Variants in TBL1XR1 observed in about 807,000 individuals in gnomAD.
TBL1XR1 encodes F-box-like/WD repeat-containing protein TBL1XR1.
Under a neutral mutation model 66.9 loss-of-function variants are expected in TBL1XR1, and 5 were observed. That is an observed-to-expected ratio of 0.07 (90% CI 0.04 to 0.16). TBL1XR1 has a LOEUF of 0.16. Ranked by LOEUF, TBL1XR1 falls within the 10% of genes least tolerant of loss-of-function variation. The pLI, the probability that TBL1XR1 is intolerant of heterozygous loss-of-function variation, is 1.00. For synonymous variants in TBL1XR1, 210 were observed against 206.0 expected, an observed-to-expected ratio of 1.02 and a Z score of -0.17; for missense variants, 238 against 623.2, an observed-to-expected ratio of 0.38 and a Z score of 6.58.
chr3:177,131,461 G>T, intron 1 of TBL1XR1: 1 of 796,602 alleles, frequency 1.3e-6, no homozygotes, highest in Non-Finnish European at 1.5e-6. Context: ...TAAAAGTTGA[G>T]AAAACAAAAA....
At chr3:177,100,107 C>T (rs532730209) in intron 1 of TBL1XR1, among the ~76,000 whole-genome samples, 31 of 151,976 alleles carry the variant, frequency 2.0e-4, no homozygotes, top group Non-Finnish European at 3.1e-4. Context: ...GGCATGGTGG[C>T]GCATGGCTGT....
At chr3:177,195,450 G>C (rs1036011144) in intron 1 of TBL1XR1, 3 of 151,708 alleles carry the variant, frequency 2.0e-5, no homozygotes, top group African/African-American at 7.3e-5. Flanking sequence ...TATTAAAATG[G>C]TGAGAACATA....
intron 1 of TBL1XR1, among the ~76,000 whole-genome samples, chr3:177,170,351 T>C (rs888356866): frequency 6.6e-6 from 1 of 152,124 alleles, no homozygotes; most frequent in African/African-American, 2.4e-5. Context: ...TGGCGGTCTT[T>C]CCACTAATAT....
chr3:177,169,981 TG>T (rs896955114), intron 1 of TBL1XR1, among the ~76,000 whole-genome samples: 2 of 152,040 alleles, frequency 1.3e-5, no homozygotes, highest in Non-Finnish European at 2.9e-5. Flanking sequence ...AATCAGAAAT[TG>T]GGGGGCAGGG....
intron 14 of TBL1XR1, among the ~76,000 whole-genome samples, chr3:177,028,393 C>A (rs979846895): frequency 6.6e-6 from 1 of 152,180 alleles, no homozygotes; most frequent in Non-Finnish European, 1.5e-5. Context: ...TCCATTAGCA[C>A]TCTACAGTTC....
At chr3:177,150,026 G>A (rs1250726892) in intron 1 of TBL1XR1, among the ~76,000 whole-genome samples, 1 of 152,152 alleles carries the variant, frequency 6.6e-6, no homozygotes. Context: ...CATGCCATAT[G>A]TAGCATACTA....
chr3:177,084,973 C>T (rs1721940925), intron 2 of TBL1XR1, among the ~76,000 whole-genome samples: 1 of 152,226 alleles, frequency 6.6e-6, no homozygotes, highest in Non-Finnish European at 1.5e-5. Flanking sequence ...TTCTTCTGAG[C>T]ACACTTGTTC....
intron 1 of TBL1XR1, among the ~76,000 whole-genome samples, chr3:177,169,135 T>G (rs972142783): frequency 6.6e-5 from 10 of 152,220 alleles, no homozygotes; most frequent in Non-Finnish European, 1.3e-4. Context: ...TTTCTTAATG[T>G]TGTTCATTAA....
At chr3:177,186,827 T>A (rs956357314) in intron 1 of TBL1XR1, among the ~76,000 whole-genome samples, 3 of 152,220 alleles carry the variant, frequency 2.0e-5, no homozygotes, top group African/African-American at 7.2e-5. Context: ...GTCTCACACC[T>A]GTAATCCCAG....
intron 1 of TBL1XR1, chr3:177,131,466 C>CAA: frequency 8.8e-6 from 6 of 682,982 alleles, no homozygotes; most frequent in South Asian, 6.7e-5. Context: ...GTTGAGAAAA[C>CAA]AAAAAAAAAC....
chr3:177,057,173 ATATGCTGTGT>A (rs1271061644), intron 3 of TBL1XR1, among the ~76,000 whole-genome samples: 13 of 152,236 alleles, frequency 8.5e-5, no homozygotes, highest in African/African-American at 3.1e-4. Flanking sequence ...AACATCTTGA[ATATGCTGTGT>A]TATACATCAT....
At chr3:177,199,036 C>G (rs1017073440), upstream of TBL1XR1, among the ~76,000 whole-genome samples, 5 of 152,260 alleles carry the variant, frequency 3.3e-5, no homozygotes, top group East Asian at 3.9e-4. Context: ...TGCCAGAGGC[C>G]TTTCCTGAAT....
At chr3:177,102,451 T>C (rs1350758629) in intron 1 of TBL1XR1, among the ~76,000 whole-genome samples, 1 of 152,210 alleles carries the variant, frequency 6.6e-6, no homozygotes, top group Non-Finnish European at 1.5e-5. Flanking sequence ...CATCATGCAA[T>C]GCATTTATAA....
intron 1 of TBL1XR1, among the ~76,000 whole-genome samples, chr3:177,122,449 A>C (rs1727091615): frequency 6.6e-6 from 1 of 152,170 alleles, no homozygotes; most frequent in African/African-American, 2.4e-5. Context: ...GTAATGACCG[A>C]AATCCCTTAA....
At chr3:177,187,092 G>A (rs1033087134) in intron 1 of TBL1XR1, among the ~76,000 whole-genome samples, 1 of 151,496 alleles carries the variant, frequency 6.6e-6, no homozygotes, top group African/African-American at 2.4e-5. Context: ...GCATGAACCC[G>A]GGAGGCGGAG....
intron 2 of TBL1XR1, among the ~76,000 whole-genome samples, chr3:177,071,853 G>GA (rs1720058898): frequency 1.3e-5 from 2 of 152,250 alleles, no homozygotes; most frequent in South Asian, 4.1e-4. Flanking sequence ...AATCCACCAT[G>GA]AAAGTCTCAT....
intron 1 of TBL1XR1, among the ~76,000 whole-genome samples, chr3:177,128,323 C>G (rs971229201): frequency 2.6e-5 from 4 of 152,170 alleles, no homozygotes; most frequent in African/African-American, 9.7e-5. Flanking sequence ...TTATTGAGAA[C>G]TTTGAATAGC....
chr3:177,094,107 C>G lies in TBL1XR1; in HGVS notation c.-46+4359G>C, dbSNP rs919354014. On this transcript the variant is annotated intron_variant, in intron 2 of 15. Coordinates refer to ENST00000457928, the MANE Select transcript of TBL1XR1 (RefSeq NM_024665.7). ...ACAAAGGACTAATATTCACAATCTA[C>G]AAGGAACTCAAACAAAGCAGCAAGA... 1.4e-4 allele frequency among the ~76,000 whole-genome samples: 21 copies of G among 152,110 alleles called. 1 individual carries two copies. The highest frequency in any genetic ancestry group is 6.8e-3 in the Middle Eastern group (2 of 294).
At chr3:177,174,175 A>T (rs1733889977) in intron 1 of TBL1XR1, among the ~76,000 whole-genome samples, 1 of 152,080 alleles carries the variant, frequency 6.6e-6, no homozygotes, top group Non-Finnish European at 1.5e-5. Context: ...GCACTTTTGG[A>T]GGCCAAGGCG....
Sources: allele counts gnomAD v4.1 joint callset (sites outside exome capture counted in the v4.1 genomes callset), GRCh38; gene constraint gnomAD v4.1.1; transcripts MANE v1.5; gene names NCBI Gene and HGNC (gene_info 2026-07-23, HGNC 2026-07-21).